CSMD1: variants seen among roughly 807,000 people sequenced by gnomAD.
CSMD1 encodes the protein CUB and sushi domain-containing protein 1.
Under a neutral mutation model 417.5 loss-of-function variants are expected in CSMD1, and 213 were observed. The ratio of observed to expected loss-of-function variants is 0.51; its 90% confidence interval spans 0.46 to 0.57. CSMD1 has a LOEUF of 0.57. CSMD1 is among the 20% of genes least tolerant of loss of function. The pLI, the probability that CSMD1 is intolerant of heterozygous loss-of-function variation, is 0.00. For missense variants in CSMD1, 6,923 were observed against 4,529.7 expected (o/e 1.53, Z -15.17); for synonymous variants, 2,862 against 1,736.8 (o/e 1.65, Z -16.11).
At chr8:4,537,992 G>T (rs942475533) in intron 2 of CSMD1, among the ~76,000 whole-genome samples, 2 of 152,126 alleles carry the variant, frequency 1.3e-5, no homozygotes, top group African/African-American at 4.8e-5. Context: ...CAGACACCAT[G>T]CTCTGCGTCA....
At chr8:4,201,575 A>C (rs1193645844) in intron 3 of CSMD1, among the ~76,000 whole-genome samples, 1 of 129,970 alleles carries the variant, frequency 7.7e-6, no homozygotes, top group East Asian at 2.3e-4. Context: ...AAAAAAAAAA[A>C]ATCAGAAAAC....
chr8:3,816,077 C>G (rs1368656133), intron 5 of CSMD1, among the ~76,000 whole-genome samples: 1 of 152,192 alleles, frequency 6.6e-6, no homozygotes, highest in Non-Finnish European at 1.5e-5. Flanking sequence ...TACTTGCCTT[C>G]CTGACAAACC....
intron 2 of CSMD1, among the ~76,000 whole-genome samples, chr8:4,426,088 GA>G (rs61422771): frequency 0.023 from 3,170 of 139,790 alleles, 122 homozygotes; most frequent in African/African-American, 0.073. Context: ...GAATTATTTT[GA>G]AAAAAAAAAA....
intron 7 of CSMD1, among the ~76,000 whole-genome samples, chr8:3,687,644 T>G (rs190499436): frequency 1.1e-3 from 166 of 152,316 alleles, no homozygotes; most frequent in Non-Finnish European, 1.9e-3. Context: ...CCTTGTTCAT[T>G]TGTGCTGAGT....
At chr8:4,748,124 A>T (rs1040779772) in intron 1 of CSMD1, among the ~76,000 whole-genome samples, 2 of 152,182 alleles carry the variant, frequency 1.3e-5, no homozygotes, top group East Asian at 3.9e-4. Context: ...GAACAATGAC[A>T]TGCTACCAAC....
intron 10 of CSMD1, among the ~76,000 whole-genome samples, chr8:3,507,344 T>C (rs961422727): frequency 2.0e-5 from 3 of 152,234 alleles, no homozygotes; most frequent in Non-Finnish European, 2.9e-5. Flanking sequence ...TCATCATTTT[T>C]TATGGCAGCA....
Position 3,108,500 on chromosome 8 carries a change from G to A in CSMD1, c.6754+103C>T, listed in dbSNP as rs541266173. 4.8e-6 allele frequency: 6 copies of A among 1,240,520 alleles called. No individual in the cohort carries two copies. The African/African-American group carries it at 7.5e-5, about 16-fold the overall frequency. 76.8% of individuals were successfully genotyped at this position (1,240,520 alleles called of 1,614,324 possible). A position where few individuals can be genotyped will look rare whatever the true frequency, so the allele number is the denominator to read the frequency against. On this transcript the variant is annotated intron_variant, in intron 44 of 69. Transcript: ENST00000635120. The stretch of plus-strand genomic sequence containing the variant: ...TGCAAAAGAATCATACACGCCCTCG[G>A]CTGAATCAAGAAACTTCAGCTGGAA...
At chr8:3,696,636 T>C (rs574208410) in intron 7 of CSMD1, among the ~76,000 whole-genome samples, 4 of 152,350 alleles carry the variant, frequency 2.6e-5, no homozygotes, top group African/African-American at 9.6e-5. Flanking sequence ...GTCATCATTA[T>C]ATAACCCTGA....
At chr8:4,564,041 T>G (rs1798473234) in intron 2 of CSMD1, among the ~76,000 whole-genome samples, 1 of 152,208 alleles carries the variant, frequency 6.6e-6, no homozygotes, top group Non-Finnish European at 1.5e-5. Flanking sequence ...GGAAGCCCAG[T>G]TAGCGAACAT....
intron 2 of CSMD1, among the ~76,000 whole-genome samples, chr8:4,492,783 C>A (rs1039506088): frequency 2.0e-5 from 3 of 152,228 alleles, no homozygotes; most frequent in Non-Finnish European, 2.9e-5. Flanking sequence ...TCTTTCCATA[C>A]AGTTCTTGAT....
chr8:3,452,745 C>T (rs1023748267), intron 12 of CSMD1, among the ~76,000 whole-genome samples: 17 of 152,026 alleles, frequency 1.1e-4, no homozygotes, highest in Admixed American at 6.6e-4. Context: ...ATTTTTGCAT[C>T]GATGTTCATC....
chr8:4,684,150 A>T (rs1276314761), intron 1 of CSMD1, among the ~76,000 whole-genome samples: 1 of 152,264 alleles, frequency 6.6e-6, no homozygotes, highest in African/African-American at 2.4e-5. Flanking sequence ...ACACGTCAAT[A>T]GACAAGGAAT....
chr8:4,548,690 C>T (rs1395165056), intron 2 of CSMD1, among the ~76,000 whole-genome samples: 1 of 152,100 alleles, frequency 6.6e-6, no homozygotes, highest in Non-Finnish European at 1.5e-5. Flanking sequence ...TACCTGTCTA[C>T]AAAGCATTTC....
At chr8:4,168,098 C>G (rs1797556343) in intron 3 of CSMD1, among the ~76,000 whole-genome samples, 1 of 151,316 alleles carries the variant, frequency 6.6e-6, no homozygotes, top group Non-Finnish European at 1.5e-5. Context: ...CACTGCTCTC[C>G]AGCTTGGGAA....
At chr8:3,622,181 A>G (rs951062594) in intron 7 of CSMD1, among the ~76,000 whole-genome samples, 4 of 152,224 alleles carry the variant, frequency 2.6e-5, no homozygotes, top group African/African-American at 9.6e-5. Flanking sequence ...TTTAGCTTTA[A>G]TAATTTCAAA....
At chr8:3,495,197 T>C (rs993029907) in intron 10 of CSMD1, among the ~76,000 whole-genome samples, 18 of 152,216 alleles carry the variant, frequency 1.2e-4, no homozygotes, top group African/African-American at 3.6e-4. Flanking sequence ...CCTGATATTT[T>C]TATTTCTACT....
chr8:3,192,277 A>T (rs10086940), intron 33 of CSMD1, among the ~76,000 whole-genome samples: 1 of 152,038 alleles, frequency 6.6e-6, no homozygotes, highest in Non-Finnish European at 1.5e-5. Flanking sequence ...ATTATAGGTC[A>T]AGGATCTCTT....
rs188082782 is a variant in CSMD1 at position 3,255,744 on chromosome 8, G to A, written c.4154-25513C>T. The stretch of plus-strand genomic sequence containing the variant: ...GTGCAGTATTAGGGTGGGAGTGACC[G>A]GATTTTCCAGGTGCTGTCTGTCAAC... On this transcript the variant is annotated intron_variant, in intron 26 of 69. Transcript: ENST00000635120. Among the ~76,000 whole-genome samples, 451 of 152,262 alleles carry A rather than the reference G, an allele frequency of 3.0e-3. 2 individuals carry two copies. The highest frequency in any genetic ancestry group is 0.01 in the African/African-American group (425 of 41,554).
intron 1 of CSMD1, among the ~76,000 whole-genome samples, chr8:4,780,823 G>A (rs1443023893): frequency 2.0e-5 from 3 of 152,024 alleles, no homozygotes; most frequent in African/African-American, 7.2e-5. Flanking sequence ...TACAATGTTT[G>A]GTTTTCCGTT....
Sources: allele counts gnomAD v4.1 joint callset (sites outside exome capture counted in the v4.1 genomes callset), GRCh38; gene constraint gnomAD v4.1.1; transcripts MANE v1.5; gene names NCBI Gene and HGNC (gene_info 2026-07-23, HGNC 2026-07-21).